The following RCBTB2 variants were observed in gnomAD, a reference collection of about 807,000 sequenced individuals.
RCBTB2 encodes the protein RCC1 and BTB domain containing protein 2, also known as RCC1 and BTB domain-containing protein 2.
A neutral mutation model predicts 65.4 loss-of-function variants in RCBTB2; 55 were observed. That is an observed-to-expected ratio of 0.84 (90% CI 0.68 to 1.05). The LOEUF is 1.05. Ranked by LOEUF, RCBTB2 falls within the 50% of genes least tolerant of loss-of-function variation. The pLI is 0.00. For synonymous variants in RCBTB2, 220 were observed against 255.2 expected (o/e 0.86, Z 1.31); for missense variants, 599 against 680.1 (o/e 0.88, Z 1.33).
chr13:48,502,867 T>C lies in RCBTB2; in HGVS notation c.974A>G (p.Lys325Arg), dbSNP rs754226027. 1.4e-5 allele frequency: 22 copies of C among 1,614,138 alleles called. No individual in the cohort carries two copies. The highest frequency in any genetic ancestry group is 3.3e-5 in the Admixed American group (2 of 60,020). The part of the protein sequence containing the change: ...ACHSTHTSAA[K>R]TQGGHVYMWG... ...CATGTACACGTGCCCACCCTGCGTC[T>C]TGGCCGCAGACGTGTGTGTGGAGTG... Residue 325 changes from lysine (K) to arginine (R), a missense_variant, in exon 11 of 15, where the codon AAG (lysine) becomes AGG (arginine). By Grantham distance (26) the Lys-to-Arg change is conservative. Coordinates refer to ENST00000344532, the MANE Select transcript of RCBTB2 (RefSeq NM_001268.4).
intron 1 of RCBTB2, among the ~76,000 whole-genome samples, chr13:48,527,368 T>TCA (rs1566337630): frequency 2.3e-5 from 3 of 129,156 alleles, no homozygotes; most frequent in Admixed American, 1.5e-4. Flanking sequence ...TATTTATATA[T>TCA]GATATATATA....
chr13:48,527,339 T>G (rs866215402), intron 1 of RCBTB2, among the ~76,000 whole-genome samples: 1 of 118,074 alleles, frequency 8.5e-6, no homozygotes, highest in Non-Finnish European at 1.5e-5. Flanking sequence ...ATATATATGA[T>G]ATATATATAT....
intron 2 of RCBTB2, among the ~76,000 whole-genome samples, chr13:48,524,109 T>C (rs999915273): frequency 6.6e-6 from 1 of 152,026 alleles, no homozygotes; most frequent in African/African-American, 2.4e-5. Context: ...GGGAGATGGT[T>C]GGCTTTTTTT....
intron 1 of RCBTB2, among the ~76,000 whole-genome samples, chr13:48,527,609 G>C (rs1335700395): frequency 6.6e-6 from 1 of 152,034 alleles, no homozygotes; most frequent in Non-Finnish European, 1.5e-5. Context: ...TCGGTGGCCA[G>C]TAGTTCAAGT....
chr13:48,527,368 T>TTA (rs1566337630), intron 1 of RCBTB2, among the ~76,000 whole-genome samples: 6 of 129,168 alleles, frequency 4.6e-5, no homozygotes, highest in East Asian at 2.1e-4. Flanking sequence ...TATTTATATA[T>TTA]GATATATATA....
chr13:48,527,371 T>TATATATATATGATATATATATATG (rs1555310729), intron 1 of RCBTB2, among the ~76,000 whole-genome samples: 1 of 138,734 alleles, frequency 7.2e-6, no homozygotes, highest in African/African-American at 3.0e-5. Context: ...TTATATATGA[T>TATATATATATGATATATATATATG]ATATATATAT....
intron 10 of RCBTB2, among the ~76,000 whole-genome samples, chr13:48,506,624 T>C (rs1311078847): frequency 6.6e-6 from 1 of 152,120 alleles, no homozygotes; most frequent in Non-Finnish European, 1.5e-5. Context: ...GTGGCAGGTG[T>C]GGGGGCCAAT....
chr13:48,502,631 G>A lies in RCBTB2; in HGVS notation c.1117+93C>T, dbSNP rs113264988. Reference sequence around the variant, plus strand: ...CATCAGAGAGAAATAAATTATGATAGTGCACCTAACAAAATCCTCATTATC... The same window carrying A: ...CATCAGAGAGAAATAAATTATGATAATGCACCTAACAAAATCCTCATTATC... On this transcript the variant is annotated intron_variant, in intron 11 of 14. Coordinates refer to ENST00000344532, the MANE Select transcript of RCBTB2 (RefSeq NM_001268.4). 3.9e-5 allele frequency: 48 copies of A among 1,245,926 alleles called. No individual in the cohort carries two copies. In the African/African-American group the frequency reaches 4.3e-4, roughly 11 times the overall value. The allele number at this position is 1,245,926 out of a possible 1,614,324, so 77.2% of individuals were successfully genotyped here.
chr13:48,535,621 T>C (rs1452214026), upstream of RCBTB2: 2 of 455,962 alleles, frequency 4.4e-6, no homozygotes, highest in Non-Finnish European at 8.8e-6. Context: ...GAAACTCCTC[T>C]TGGCAAAGTC....
chr13:48,493,285 CTCTCCACACA>C (rs1309351377), intron 14 of RCBTB2, among the ~76,000 whole-genome samples: 10 of 117,792 alleles, frequency 8.5e-5, no homozygotes, highest in African/African-American at 4.3e-4. Context: ...CCCTCTCTCT[CTCTCCACACA>C]CACACACACA....
At chr13:48,528,164 C>T (rs1168860485) in intron 1 of RCBTB2, among the ~76,000 whole-genome samples, 1 of 152,088 alleles carries the variant, frequency 6.6e-6, no homozygotes, top group African/African-American at 2.4e-5. Flanking sequence ...AAAACAATAT[C>T]CAGCTCTCTT....
At chr13:48,520,303 T>C (rs73486808) in intron 4 of RCBTB2, among the ~76,000 whole-genome samples, 2,432 of 152,136 alleles carry the variant, frequency 0.016, 60 homozygotes, top group African/African-American at 0.055. Context: ...AATGACCCAA[T>C]CAACTCCGTG....
intron 10 of RCBTB2, among the ~76,000 whole-genome samples, chr13:48,505,001 G>A (rs1950424914): frequency 6.6e-6 from 1 of 151,848 alleles, no homozygotes; most frequent in Non-Finnish European, 1.5e-5. Flanking sequence ...GGCCCACAGT[G>A]GAGAGCTCAG....
rs115231352 is a variant in RCBTB2, at chr13:48,503,506, C to A, written c.927-592G>T. Among the ~76,000 whole-genome samples, 269 of 152,068 alleles carry A rather than the reference C, an allele frequency of 1.8e-3. 1 individual carries two copies. The highest frequency in any genetic ancestry group is 6.0e-3 in the African/African-American group (250 of 41,454). ...TCACTATGTGATATGCCCTACTGCT[C>A]TAAGTTCACGATTGATGAGGAGGTA... On this transcript the variant is annotated intron_variant, in intron 10 of 14. Transcript: ENST00000344532.
intron 4 of RCBTB2, among the ~76,000 whole-genome samples, chr13:48,518,467 AAAAAAAT>A (rs1253675751): frequency 3.7e-5 from 5 of 135,416 alleles, no homozygotes; most frequent in Admixed American, 1.4e-4. Context: ...GCAAAAAAAA[AAAAAAAT>A]ATATATATAT....
Position 48,496,204 on chromosome 13 carries a change from T to G in RCBTB2, c.1502A>C (p.Lys501Thr), listed in dbSNP as rs751242574. Residue 501 changes from lysine to threonine, a missense_variant, in exon 14 of 15, where the codon AAG (lysine) becomes ACG (threonine). By Grantham distance (78) the Lys-to-Thr change is moderately conservative (BLOSUM62 -1). Coordinates refer to ENST00000344532, the MANE Select transcript of RCBTB2 (RefSeq NM_001268.4). ...NAIALLSAAVKYDAQDLEEFC... is the reference protein window; with the variant it reads ...NAIALLSAAVTYDAQDLEEFC... ...AGCTTTCCTTACCTGTGCATCATAC[T>G]TCACCGCAGCCGAGAGCAGAGCGAT... 18 of 1,531,154 alleles carry G rather than the reference T, an allele frequency of 1.2e-5. No individual in the cohort carries two copies. Among genetic ancestry groups the G allele is most frequent in the Admixed American group, 2.1e-5 (1 of 48,334 alleles). 94.8% of individuals were successfully genotyped at this position (1,531,154 alleles called of 1,614,324 possible).
rs773116089 is a variant in RCBTB2, at chr13:48,489,078, G to A, written c.*1033C>T. On this transcript the variant is annotated 3_prime_UTR_variant, in exon 15 of 15. Transcript: ENST00000344532. ...TGACATTGTGAGATACACATTAGAA[G>A]AATCTGAGACTATGTTCCATTTCAG... is the stretch of plus-strand genomic sequence containing the variant. 7.2e-5 allele frequency: 11 copies of A among 152,172 alleles called. No homozygotes were observed. The highest frequency in any genetic ancestry group is 1.6e-4 in the Non-Finnish European group (11 of 68,034). The allele number at this position is 152,172 out of a possible 1,614,324, so 9.4% of individuals were successfully genotyped here. A position where few individuals can be genotyped will look rare whatever the true frequency, so the allele number is the denominator to read the frequency against.
At chr13:48,532,771 C>G (rs755329040) in intron 1 of RCBTB2, 10 of 309,486 alleles carry the variant, frequency 3.2e-5, no homozygotes, top group Non-Finnish European at 6.4e-5. Flanking sequence ...GCAGGGCCGC[C>G]TCTGCCTGCG....
chr13:48,520,784 A>G (rs1469485225), intron 4 of RCBTB2, among the ~76,000 whole-genome samples: 1 of 152,208 alleles, frequency 6.6e-6, no homozygotes. Context: ...TTGCAATTCA[A>G]TTTAAAATAC....
Sources: gnomAD v4.1 joint callset for allele counts (sites outside exome capture counted in the v4.1 genomes callset) on GRCh38, gnomAD v4.1.1 for gene constraint, MANE v1.5 for transcripts, NCBI Gene and HGNC (gene_info 2026-07-23, HGNC 2026-07-21) for gene names.